TRPM6: variants seen among roughly 807,000 people sequenced by gnomAD.
The protein encoded by TRPM6 is transient receptor potential cation channel subfamily M member 6, also known as channel kinase 2.
Under a neutral mutation model 247.6 loss-of-function variants are expected in TRPM6, and 111 were observed. The observed-to-expected ratio is 0.45, with a 90% CI of 0.38 to 0.52. TRPM6 has a LOEUF of 0.52. TRPM6 is among the 20% of genes least tolerant of loss of function. The pLI is 0.00. For synonymous variants in TRPM6, 892 were observed against 853.8 expected, an observed-to-expected ratio of 1.04 and a Z score of -0.78; for missense variants, 2,126 against 2,421.5, an observed-to-expected ratio of 0.88 and a Z score of 2.56.
At chr9:74,786,947 C>CCAA (rs1827700413) in intron 20 of TRPM6, among the ~76,000 whole-genome samples, 1 of 152,116 alleles carries the variant, frequency 6.6e-6, no homozygotes, top group African/African-American at 2.4e-5. Flanking sequence ...GCCTGTAATC[C>CCAA]CAACACTTTG....
chr9:74,809,976 C>CA (rs57812269), intron 13 of TRPM6, among the ~76,000 whole-genome samples: 4,108 of 33,436 alleles, frequency 0.12, 843 homozygotes, highest in East Asian at 0.27. Flanking sequence ...AACTCCATCT[C>CA]AAAAAAAAAA....
At chr9:74,787,907 G>A (rs1441007169) in intron 20 of TRPM6, among the ~76,000 whole-genome samples, 1 of 152,032 alleles carries the variant, frequency 6.6e-6, no homozygotes, top group East Asian at 1.9e-4. Context: ...AGTAGAGACG[G>A]GGTTTCACCA....
chr9:74,830,514 G>A (rs1829506559), intron 6 of TRPM6, among the ~76,000 whole-genome samples: 1 of 151,982 alleles, frequency 6.6e-6, no homozygotes. Context: ...TCCCACCTCA[G>A]CCTCCTGAGT....
intron 36 of TRPM6, among the ~76,000 whole-genome samples, chr9:74,734,764 C>T (rs112621406): frequency 4.6e-5 from 7 of 152,246 alleles, no homozygotes; most frequent in African/African-American, 1.2e-4. Flanking sequence ...CCCTAAAGTG[C>T]TATGCTCCCT....
At chr9:74,773,331 G>C (rs1339235680) in intron 24 of TRPM6, among the ~76,000 whole-genome samples, 1 of 152,176 alleles carries the variant, frequency 6.6e-6, no homozygotes, top group Non-Finnish European at 1.5e-5. Flanking sequence ...GTAAGTATAA[G>C]AAAGTTTCAC....
At chr9:74,767,681 C>T in intron 25 of TRPM6, among the ~76,000 whole-genome samples, 1 of 152,084 alleles carries the variant, frequency 6.6e-6, no homozygotes, top group East Asian at 1.9e-4. Flanking sequence ...TTAATTAGAG[C>T]TGCAGGCTCA....
chr9:74,752,050 A>C (rs550514340), intron 29 of TRPM6, among the ~76,000 whole-genome samples: 15 of 152,302 alleles, frequency 9.8e-5, no homozygotes, highest in African/African-American at 3.6e-4. Flanking sequence ...TAAATTATTG[A>C]GTGGATAGGT....
At chr9:74,837,624 T>C (rs1829770975) in intron 5 of TRPM6, among the ~76,000 whole-genome samples, 1 of 152,046 alleles carries the variant, frequency 6.6e-6, no homozygotes, top group Non-Finnish European at 1.5e-5. Context: ...TTTTTTGTAT[T>C]TTTAGTAGAG....
At chr9:74,827,732 G>A in intron 7 of TRPM6, 46 bp downstream of exon 7, 1 of 1,600,708 alleles carries the variant, frequency 6.2e-7, no homozygotes, top group South Asian at 1.1e-5. Context: ...AAAGACCTCA[G>A]CAGGCCTGCA....
intron 12 of TRPM6, 87 bp from the exon 13 acceptor site, chr9:74,810,955 C>G: frequency 1.0e-6 from 1 of 991,350 alleles, no homozygotes; most frequent in South Asian, 1.3e-5. Flanking sequence ...GCATAAGTAA[C>G]TGAGAATACT....
In TRPM6 at chr9:74,800,258, A is replaced by G; in HGVS notation, c.2234T>C (p.Leu745Ser). ...AGACAAGTAAAGTAAATTTACCTTT[A>G]ACCAAGAGTTTTTCCTCATTTTCAG... The part of the protein sequence containing the change: ...GRLKMRKNSW[L>S]KIIISIILPP... The change falls in exon 17 of 39, where the codon TTA becomes TCA. Residue 745 changes from leucine (L) to serine (S), a missense_variant. By Grantham distance (145) the Leu-to-Ser change is moderately radical (BLOSUM62 -2). Transcript: ENST00000360774. The G allele has an allele frequency of 6.2e-7, 1 of 1,613,556 alleles. No individual in the cohort carries two copies. The highest frequency in any genetic ancestry group is 8.5e-7 in the Non-Finnish European group (1 of 1,179,452).
intron 7 of TRPM6, chr9:74,826,716 A>G (rs1268256842): frequency 2.3e-5 from 3 of 128,176 alleles, no homozygotes; most frequent in Admixed American, 8.4e-5. Flanking sequence ...CAAGGTCCCT[A>G]TTTCTTTTTC....
intron 36 of TRPM6, among the ~76,000 whole-genome samples, chr9:74,735,475 AT>A (rs1482711880): frequency 6.6e-6 from 1 of 152,108 alleles, no homozygotes; most frequent in Non-Finnish European, 1.5e-5. Context: ...CTTGGTGGAA[AT>A]TTTTTTATGT....
intron 17 of TRPM6, chr9:74,799,892 CTAGGA>C (rs916639703): frequency 4.1e-5 from 13 of 318,548 alleles, no homozygotes; most frequent in Non-Finnish European, 6.1e-5. Context: ...AATATATTAA[CTAGGA>C]TGTGAGGGCG....
At chr9:74,789,484 A>T (rs1205231484) in intron 19 of TRPM6, among the ~76,000 whole-genome samples, 1 of 152,188 alleles carries the variant, frequency 6.6e-6, no homozygotes, top group East Asian at 1.9e-4. Flanking sequence ...TATCTTCTTA[A>T]GATATAGTCC....
intron 19 of TRPM6, among the ~76,000 whole-genome samples, chr9:74,789,286 T>C (rs1827808394): frequency 6.6e-6 from 1 of 151,932 alleles, no homozygotes; most frequent in East Asian, 1.9e-4. Flanking sequence ...TTTGTCAATA[T>C]TTATATCTTC....
At chr9:74,790,438 T>C (rs1446242868) in intron 19 of TRPM6, among the ~76,000 whole-genome samples, 2 of 152,234 alleles carry the variant, frequency 1.3e-5, no homozygotes, top group Non-Finnish European at 2.9e-5. Flanking sequence ...AATTTACTCC[T>C]TAACTTTTAC....
At chr9:74,813,009 A>T (rs1202769807) in intron 11 of TRPM6, among the ~76,000 whole-genome samples, 1 of 152,250 alleles carries the variant, frequency 6.6e-6, no homozygotes, top group African/African-American at 2.4e-5. Flanking sequence ...ATTATTGTAA[A>T]GATCTCGAAG....
chr9:74,737,404 C>T (rs1242344509), intron 36 of TRPM6: 3 of 1,289,800 alleles, frequency 2.3e-6, no homozygotes, highest in Non-Finnish European at 3.0e-6. Context: ...TCTACATTCT[C>T]CAACCTCCAA....
Sources: gnomAD v4.1 joint callset for allele counts (sites outside exome capture counted in the v4.1 genomes callset) on GRCh38, gnomAD v4.1.1 for gene constraint, MANE v1.5 for transcripts, NCBI Gene and HGNC (gene_info 2026-07-23, HGNC 2026-07-21) for gene names.